The following ULK4 variants were observed in gnomAD, a reference collection of about 807,000 sequenced individuals.
ULK4 encodes inactive serine/threonine-protein kinase ULK4.
A neutral mutation model predicts 160.6 loss-of-function variants in ULK4; 133 were observed. The ratio of observed to expected loss-of-function variants is 0.83; its 90% CI spans 0.72 to 0.96. The LOEUF (loss-of-function observed/expected upper bound fraction) is 0.96, where lower values mean the gene tolerates loss of function less well. ULK4 is among the 40% of genes least tolerant of loss of function. The pLI, the probability that ULK4 is intolerant of heterozygous loss-of-function variation, is 0.00. For missense variants in ULK4, 1,580 were observed against 1,499.5 expected (o/e 1.05, Z -0.89); for synonymous variants, 534 against 539.8 (o/e 0.99, Z 0.15).
intron 30 of ULK4, among the ~76,000 whole-genome samples, chr3:41,647,957 G>A (rs62258600): frequency 0.027 from 4,051 of 152,276 alleles, 87 homozygotes; most frequent in Middle Eastern, 0.054. Flanking sequence ...AGACTGCTGT[G>A]CTAGCAATCA....
chr3:41,759,400 A>G (rs1379133332), intron 21 of ULK4, among the ~76,000 whole-genome samples: 1 of 152,186 alleles, frequency 6.6e-6, no homozygotes, highest in African/African-American at 2.4e-5. Context: ...AACAGTAACA[A>G]CAACAAAGAA....
At chr3:41,387,644 A>G (rs956820315) in intron 35 of ULK4, among the ~76,000 whole-genome samples, 7 of 152,136 alleles carry the variant, frequency 4.6e-5, no homozygotes, top group South Asian at 2.1e-4. Flanking sequence ...TGTCCTTGTG[A>G]TAGTTTGCTG....
At chr3:41,535,124 T>C (rs1450977259) in intron 32 of ULK4, among the ~76,000 whole-genome samples, 2 of 152,158 alleles carry the variant, frequency 1.3e-5, no homozygotes, top group South Asian at 2.1e-4. Context: ...CTTTGTTTCA[T>C]GAGGAGTACT....
intron 1 of ULK4, among the ~76,000 whole-genome samples, chr3:41,958,873 A>G (rs1361059997): frequency 1.3e-5 from 2 of 152,136 alleles, no homozygotes; most frequent in East Asian, 3.8e-4. Flanking sequence ...TTTGCTCTTG[A>G]ACTACAAAAG....
intron 18 of ULK4, 112 bp downstream of exon 18, chr3:41,835,752 C>T: frequency 1.5e-6 from 1 of 649,094 alleles, no homozygotes; most frequent in South Asian, 2.5e-5. Context: ...CTAAGTTCCT[C>T]AGGCGTGCTC....
chr3:41,543,073 A>G (rs1477346960), intron 32 of ULK4, among the ~76,000 whole-genome samples: 2 of 152,088 alleles, frequency 1.3e-5, no homozygotes, highest in Non-Finnish European at 2.9e-5. Flanking sequence ...TTTTGCCCAA[A>G]GCAAGTAATA....
Position 41,594,928 on chromosome 3 carries a change from GC to G in ULK4, c.3120+20740del, listed in dbSNP as rs541310957. On this transcript the variant is annotated intron_variant, in intron 31 of 36. Transcript: ENST00000301831. ...TCGAGCTATGTTTAGGAGAAGAAAG[GC>G]CGATCCCAGACTGTATTATATGGCT... Among the ~76,000 whole-genome samples, 601 of 152,126 alleles carry G rather than the reference GC, an allele frequency of 4.0e-3. 1 individual carries two copies. The highest frequency in any genetic ancestry group is 0.02 in the Middle Eastern group (6 of 294).
At chr3:41,662,073 A>C (rs1575542978) in intron 30 of ULK4, among the ~76,000 whole-genome samples, 2 of 152,214 alleles carry the variant, frequency 1.3e-5, no homozygotes, top group East Asian at 3.8e-4. Flanking sequence ...CATGATGTCA[A>C]AAGTCCAGGA....
intron 2 of ULK4, 104 bp from the exon 3 acceptor site, chr3:41,938,301 G>A: frequency 1.2e-6 from 1 of 819,652 alleles, no homozygotes; most frequent in East Asian, 2.7e-5. Context: ...AGAAAATGGT[G>A]ACATTTATTT....
At chr3:41,391,941 T>C (rs2081966041) in intron 35 of ULK4, among the ~76,000 whole-genome samples, 1 of 152,104 alleles carries the variant, frequency 6.6e-6, no homozygotes. Flanking sequence ...CAGCATATTA[T>C]AGTCACCCTT....
At position 41,896,830 on chromosome 3, in the gene ULK4, A is replaced by G. The variant is rs1018246600; in HGVS notation, c.1522T>C (p.Ser508Pro). 6 of 1,612,032 alleles carry G rather than the reference A, an allele frequency of 3.7e-6. No individual in the cohort carries two copies. In the African/African-American group the frequency reaches 6.7e-5, roughly 18 times the overall value. Residue 508 changes from serine (S) to proline (P), a missense_variant, in exon 15 of 37, where the codon TCC (serine) becomes CCC (proline). Physicochemically the swap from Ser to Pro is moderately conservative, Grantham distance 74. Transcript: ENST00000301831. ...ATGTCACACAGGCTTACCAGGGGGG[A>G]ATGGAGGAGCCTGGTGGCCACCTCC... ...HQEVATRLLH[S>P]PLFQLLIQHL...
intron 31 of ULK4, among the ~76,000 whole-genome samples, chr3:41,599,278 C>T (rs774102890): frequency 6.6e-6 from 1 of 152,014 alleles, no homozygotes; most frequent in Non-Finnish European, 1.5e-5. Flanking sequence ...ATAATTAATG[C>T]TTAGGTCAGC....
In ULK4 at chr3:41,572,980, G is replaced by C. The variant is rs766043452; in HGVS notation, c.3121-6850C>G. Among the ~76,000 whole-genome samples, 85 of 152,142 alleles carry C rather than the reference G, an allele frequency of 5.6e-4. 1 individual carries two copies. The highest frequency in any genetic ancestry group is 1.6e-4 in the Non-Finnish European group (11 of 68,024). On this transcript the variant is annotated intron_variant, in intron 31 of 36. Transcript: ENST00000301831. ...TGGCATCATTGAGAGCCCACAAAAG[G>C]CAATCCCACTACACTTTAAGATTAT... is the stretch of plus-strand genomic sequence containing the variant.
chr3:41,905,978 G>A (rs947234051), intron 12 of ULK4, among the ~76,000 whole-genome samples: 5 of 152,056 alleles, frequency 3.3e-5, no homozygotes, highest in African/African-American at 1.2e-4. Flanking sequence ...AGCACTTTGG[G>A]AGTCCGAGGC....
chr3:41,369,746 A>G (rs2125781493), intron 35 of ULK4, among the ~76,000 whole-genome samples: 1 of 151,128 alleles, frequency 6.6e-6, no homozygotes, highest in Admixed American at 6.6e-5. Context: ...GTGAGCTGAG[A>G]TCATGCCACT....
chr3:41,475,446 T>C (rs1000467779), intron 32 of ULK4, among the ~76,000 whole-genome samples: 3 of 152,160 alleles, frequency 2.0e-5, no homozygotes, highest in Non-Finnish European at 2.9e-5. Flanking sequence ...AATATAGTAA[T>C]AATGTATACT....
chr3:41,785,526 T>A (rs1188062838), intron 21 of ULK4, among the ~76,000 whole-genome samples: 1 of 152,196 alleles, frequency 6.6e-6, no homozygotes, highest in Non-Finnish European at 1.5e-5. Flanking sequence ...AATGGAACTC[T>A]TTTGGAGACT....
intron 21 of ULK4, among the ~76,000 whole-genome samples, chr3:41,757,942 T>C (rs1410054442): frequency 1.3e-5 from 2 of 152,186 alleles, no homozygotes; most frequent in Non-Finnish European, 2.9e-5. Flanking sequence ...GCTCTGATTT[T>C]ACCTGCTATG....
intron 27 of ULK4, among the ~76,000 whole-genome samples, chr3:41,682,700 C>CA (rs2125792247): frequency 6.6e-6 from 1 of 152,184 alleles, no homozygotes; most frequent in East Asian, 1.9e-4. Context: ...CCCTAAGAAC[C>CA]AGGGGTGTTT....
Sources: gnomAD v4.1 joint callset for allele counts (sites outside exome capture counted in the v4.1 genomes callset) on GRCh38, gnomAD v4.1.1 for gene constraint, MANE v1.5 for transcripts, NCBI Gene and HGNC (gene_info 2026-07-23, HGNC 2026-07-21) for gene names.